The following DRC11L variants were observed in gnomAD, a reference collection of about 807,000 sequenced individuals.
DRC11L encodes dynein regulatory complex subunit 11 like.
the DRC11L span, chr7:151,197,811 C>G: frequency 2.5e-6 from 1 of 399,002 alleles, no homozygotes; most frequent in Non-Finnish European, 4.4e-6. Context: ...GCCCCACCTC[C>G]AACAGGGTAC....
At chr7:151,191,410 C>T in the DRC11L span, among the ~76,000 whole-genome samples, 4 of 152,192 alleles carry the variant, frequency 2.6e-5, no homozygotes, top group African/African-American at 7.2e-5. Context: ...CCTGATACCT[C>T]GGTGGTTCTT....
chr7:151,200,276 G>T, the DRC11L span: 13 of 398,820 alleles, frequency 3.3e-5, no homozygotes, highest in South Asian at 1.3e-4. Flanking sequence ...CCTGAGTGGA[G>T]AGCACCGTGG....
the DRC11L span, among the ~76,000 whole-genome samples, chr7:151,199,308 C>T: frequency 8.5e-5 from 13 of 152,264 alleles, no homozygotes; most frequent in South Asian, 2.1e-3. This position sits in a 1 kb window ranked among gnomAD's most constrained non-coding sequence, Gnocchi z 5.2. Flanking sequence ...CCCCAGCCCC[C>T]GCCTGCACCC....
chr7:151,196,126 G>A, the DRC11L span, among the ~76,000 whole-genome samples: 1 of 152,194 alleles, frequency 6.6e-6, no homozygotes, highest in African/African-American at 2.4e-5. Context: ...GAGGGTTCCT[G>A]AGGATGGTGG....
the DRC11L span, chr7:151,196,934 C>G: frequency 5.0e-6 from 2 of 399,060 alleles, no homozygotes; most frequent in Admixed American, 4.4e-5. Flanking sequence ...GCCCCAGGTC[C>G]CACAAGGCAC....
At chr7:151,204,346 G>C in the DRC11L span, among the ~76,000 whole-genome samples, 1 of 152,164 alleles carries the variant, frequency 6.6e-6, no homozygotes, top group Admixed American at 6.5e-5. Flanking sequence ...GATATCCGTG[G>C]GGTGGCGGGT....
At chr7:151,199,480 C>A in the DRC11L span, among the ~76,000 whole-genome samples, 2 of 152,186 alleles carry the variant, frequency 1.3e-5, no homozygotes, top group African/African-American at 2.4e-5. This position sits in a 1 kb window ranked among gnomAD's most constrained non-coding sequence, Gnocchi z 5.2. Flanking sequence ...TCACCCACTG[C>A]CGTGCACGGA....
chr7:151,200,834 G>A, the DRC11L span, among the ~76,000 whole-genome samples: 3 of 152,304 alleles, frequency 2.0e-5, no homozygotes, highest in Non-Finnish European at 2.9e-5. Flanking sequence ...AGACACTGGC[G>A]CTGCAGGGAC....
At chr7:151,203,422 G>C in the DRC11L span, 6 of 399,146 alleles carry the variant, frequency 1.5e-5, no homozygotes, top group African/African-American at 1.2e-4. Flanking sequence ...GCTCCAGTCT[G>C]GACAGGATCT....
the DRC11L span, chr7:151,198,736 C>A: frequency 2.5e-6 from 1 of 398,832 alleles, no homozygotes; most frequent in Non-Finnish European, 4.4e-6. Context: ...CAGGAGCAGC[C>A]CTGAGGGACC....
At chr7:151,194,270 G>A in the DRC11L span, 107 of 399,162 alleles carry the variant, frequency 2.7e-4, no homozygotes, top group African/African-American at 1.8e-3. Flanking sequence ...CCGAAGGACC[G>A]CATACAAAGC....
chr7:151,197,083 T>G, the DRC11L span: 1 of 399,690 alleles, frequency 2.5e-6, no homozygotes, highest in Admixed American at 4.4e-5. Flanking sequence ...GACCTTGACT[T>G]CCTCACCTCT....
chr7:151,191,820 T>A, the DRC11L span: 2 of 399,112 alleles, frequency 5.0e-6, no homozygotes, highest in East Asian at 3.6e-5. Context: ...AGGGCACTGA[T>A]GTCCAGGTGC....
chr7:151,204,606 G>A, the DRC11L span: 2 of 399,086 alleles, frequency 5.0e-6, no homozygotes, highest in Non-Finnish European at 8.8e-6. Flanking sequence ...CACGCGGCCC[G>A]CCACGCCGTC....
the DRC11L span, chr7:151,195,306 G>T: frequency 2.5e-6 from 1 of 398,102 alleles, no homozygotes; most frequent in Non-Finnish European, 4.4e-6. Flanking sequence ...CAGGGAGTCA[G>T]AGAGGGAAAG....
At chr7:151,194,913 G>A in the DRC11L span, among the ~76,000 whole-genome samples, 3 of 152,194 alleles carry the variant, frequency 2.0e-5, no homozygotes, top group Non-Finnish European at 2.9e-5. Context: ...TAGAAATCCA[G>A]TCATTTGAGT....
At chr7:151,202,359 T>C in the DRC11L span, among the ~76,000 whole-genome samples, 2 of 152,178 alleles carry the variant, frequency 1.3e-5, no homozygotes, top group African/African-American at 4.8e-5. Context: ...TTTTCAACAG[T>C]CTTAAGAGTT....
chr7:151,199,410 A>G, the DRC11L span, among the ~76,000 whole-genome samples: 1 of 152,108 alleles, frequency 6.6e-6, no homozygotes, highest in African/African-American at 2.4e-5. This position sits in a 1 kb window ranked among gnomAD's most constrained non-coding sequence, Gnocchi z 5.2. Context: ...CTGCGCAGAG[A>G]CAATTACTGA....
chr7:151,198,666 G>C, the DRC11L span: 1 of 396,870 alleles, frequency 2.5e-6, no homozygotes, highest in Non-Finnish European at 4.4e-6. Flanking sequence ...TGGGGACCTG[G>C]GGGTAGAGGA....
Sources: allele counts gnomAD v4.1 joint callset (sites outside exome capture counted in the v4.1 genomes callset), GRCh38; gene constraint gnomAD v4.1.1; non-coding constraint Gnocchi (gnomAD v3.1); transcripts MANE v1.5; gene names NCBI Gene and HGNC (gene_info 2026-07-23, HGNC 2026-07-21).